Variants in TMEM65 observed in about 807,000 individuals in gnomAD.
TMEM65 encodes the protein transmembrane protein 65.
TMEM65 carries 22 observed loss-of-function variants against 25.4 expected under a neutral mutation model. The ratio of observed to expected loss-of-function variants is 0.86; its 90% CI spans 0.62 to 1.23. The LOEUF (loss-of-function observed/expected upper bound fraction) is 1.23, where lower values mean the gene tolerates loss of function less well. Ranked by LOEUF, TMEM65 falls within the 50% of genes most tolerant of loss-of-function variation. TMEM65 has a pLI of 0.00. For missense variants in TMEM65, 262 were observed against 308.2 expected (o/e 0.85, Z 1.12); for synonymous variants, 132 against 126.2 (o/e 1.05, Z -0.31).
chr8:124,341,481 T>C (rs1426420967), intron 1 of TMEM65, among the ~76,000 whole-genome samples: 1 of 152,074 alleles, frequency 6.6e-6, no homozygotes, highest in Non-Finnish European at 1.5e-5. Context: ...GGACTACTGG[T>C]CTACTTTTAA....
At chr8:124,354,954 CTG>C (rs1455810562) in intron 1 of TMEM65, among the ~76,000 whole-genome samples, 2 of 152,078 alleles carry the variant, frequency 1.3e-5, no homozygotes, top group East Asian at 3.9e-4. Flanking sequence ...AAATTTAAGA[CTG>C]TTTCAAAATG....
At chr8:124,356,470 G>T (rs546134013) in intron 1 of TMEM65, among the ~76,000 whole-genome samples, 1 of 152,210 alleles carries the variant, frequency 6.6e-6, no homozygotes, top group Admixed American at 6.5e-5. Flanking sequence ...ATAAAATCAA[G>T]CTATTGCCCA....
intron 1 of TMEM65, among the ~76,000 whole-genome samples, chr8:124,334,664 T>C (rs1319747914): frequency 6.8e-6 from 1 of 146,816 alleles, no homozygotes; most frequent in Non-Finnish European, 1.5e-5. Flanking sequence ...CTCAGGAGGC[T>C]GCGGCAGGAG....
chr8:124,364,025 G>C (rs1439546840), intron 1 of TMEM65, among the ~76,000 whole-genome samples: 1 of 151,818 alleles, frequency 6.6e-6, no homozygotes, highest in East Asian at 1.9e-4. Flanking sequence ...CCTATTATGA[G>C]GGATATTATC....
rs144957064 is a variant in TMEM65, at chr8:124,318,363, G to GTTTTTTTTTTTTTTTTTTTTTTT, written c.621+1722_621+1723insAAAAAAAAAAAAAAAAAAAAAAA. On this transcript the variant is annotated intron_variant, in intron 6 of 6. Coordinates refer to ENST00000297632, the MANE Select transcript of TMEM65 (RefSeq NM_194291.3). Reference sequence around the variant, plus strand: ...TTGTTTTAAGCTGCTGAATTTGCATGTTTTTGTTTTTTTTTTTTTTTTTTT... The same window carrying GTTTTTTTTTTTTTTTTTTTTTTT: ...TTGTTTTAAGCTGCTGAATTTGCATGTTTTTTTTTTTTTTTTTTTTTTTTTTTTGTTTTTTTTTTTTTTTTTTT... 4.1e-5 allele frequency among the ~76,000 whole-genome samples: 3 copies of GTTTTTTTTTTTTTTTTTTTTTTT among 73,840 alleles called. 1 individual carries two copies. Among genetic ancestry groups the GTTTTTTTTTTTTTTTTTTTTTTT allele is most frequent in the African/African-American group, 1.7e-4 (3 of 17,868 alleles). 48.4% of individuals were successfully genotyped at this position (73,840 alleles called of 152,430 possible).
intron 5 of TMEM65, among the ~76,000 whole-genome samples, chr8:124,321,077 T>C (rs1814298644): frequency 6.6e-6 from 1 of 152,170 alleles, no homozygotes; most frequent in Non-Finnish European, 1.5e-5. Flanking sequence ...TGTTGGAAAC[T>C]GGGAATAGAA....
At chr8:124,345,918 A>G (rs963117326) in intron 1 of TMEM65, among the ~76,000 whole-genome samples, 2 of 151,878 alleles carry the variant, frequency 1.3e-5, no homozygotes, top group African/African-American at 4.8e-5. Context: ...TAATTTTTGT[A>G]TATTTTTTAG....
chr8:124,371,453 A>C (rs961082836), intron 1 of TMEM65, among the ~76,000 whole-genome samples: 3 of 152,232 alleles, frequency 2.0e-5, no homozygotes. Flanking sequence ...CAGGCACAGC[A>C]TGCCACCTGC....
At chr8:124,359,912 A>G (rs559827219) in intron 1 of TMEM65, among the ~76,000 whole-genome samples, 27 of 152,326 alleles carry the variant, frequency 1.8e-4, no homozygotes, top group Admixed American at 3.9e-4. Flanking sequence ...CAGGTAAAGT[A>G]GCCTTGCTTC....
At chr8:124,321,431 C>T (rs1029068596) in intron 5 of TMEM65, among the ~76,000 whole-genome samples, 11 of 152,052 alleles carry the variant, frequency 7.2e-5, no homozygotes, top group African/African-American at 2.7e-4. Context: ...CTTCCCCAAG[C>T]TCAGGAAGCA....
Position 124,309,266 on chromosome 8 carries a change from T to C in TMEM65, c.*4694A>G, listed in dbSNP as rs1288745369. 6.6e-6 allele frequency: 1 copy of C among 152,194 alleles called. No individual in the cohort carries two copies. The highest frequency in any genetic ancestry group is 2.4e-5 in the African/African-American group (1 of 41,446). The allele number at this position is 152,194 out of a possible 1,614,324, so 9.4% of individuals were successfully genotyped here. A position where few individuals can be genotyped will look rare whatever the true frequency, so the allele number is the denominator to read the frequency against. Reference sequence around the variant, plus strand: ...AAAGTTTGGAGAGAGTAAAAAGTTGTATTCAGATTTTCAGCAGCACAGGGG... The same window carrying C: ...AAAGTTTGGAGAGAGTAAAAAGTTGCATTCAGATTTTCAGCAGCACAGGGG... On this transcript the variant is annotated 3_prime_UTR_variant, in exon 7 of 7. Coordinates refer to ENST00000297632, the MANE Select transcript of TMEM65 (RefSeq NM_194291.3).
chr8:124,360,826 A>T (rs1488885344), intron 1 of TMEM65, among the ~76,000 whole-genome samples: 1 of 152,234 alleles, frequency 6.6e-6, no homozygotes, highest in Non-Finnish European at 1.5e-5. Flanking sequence ...AAATTATTTA[A>T]AAGCCAGCAA....
chr8:124,329,108 A>C (rs1586460243), intron 2 of TMEM65, among the ~76,000 whole-genome samples: 1 of 123,682 alleles, frequency 8.1e-6, no homozygotes, highest in African/African-American at 3.2e-5. Flanking sequence ...TCCAAGATCA[A>C]GGACAACATT....
Position 124,372,126 on chromosome 8 carries a change from C to G in TMEM65, c.32G>C (p.Arg11Pro). Residue 11 changes from arginine to proline, a missense_variant, in exon 1 of 7, where the codon CGG (arginine) becomes CCG (proline). Transcript: ENST00000297632. ...GCCCGGCCTCAGGCTGCGCGCGGTC[C>G]GGCTCCTCAGCAGCGGCAGCAGCCG... MSRLLPLLRS[R>P]TARSLRPGPA... 2 of 1,218,096 alleles carry G rather than the reference C, an allele frequency of 1.6e-6. No individual in the cohort carries two copies. The highest frequency in any genetic ancestry group is 2.0e-5 in the South Asian group (1 of 49,692). 75.5% of individuals were successfully genotyped at this position (1,218,096 alleles called of 1,614,324 possible). A position where few individuals can be genotyped will look rare whatever the true frequency, so the allele number is the denominator to read the frequency against.
intron 1 of TMEM65, among the ~76,000 whole-genome samples, chr8:124,331,716 T>C (rs1285750927): frequency 6.6e-6 from 1 of 151,890 alleles, no homozygotes; most frequent in Non-Finnish European, 1.5e-5. Context: ...TTAATTGTTA[T>C]CATATAGAGA....
At chr8:124,347,370 A>G (rs1041859102) in intron 1 of TMEM65, among the ~76,000 whole-genome samples, 1 of 152,208 alleles carries the variant, frequency 6.6e-6, no homozygotes, top group African/African-American at 2.4e-5. Flanking sequence ...TACCTTATGT[A>G]GGAAAGAAAT....
chr8:124,356,476 G>A (rs942245597), intron 1 of TMEM65, among the ~76,000 whole-genome samples: 5 of 152,034 alleles, frequency 3.3e-5, no homozygotes, highest in African/African-American at 1.2e-4. Flanking sequence ...TCAAGCTATT[G>A]CCCAACATCT....
Position 124,326,332 on chromosome 8 carries a change from T to C in TMEM65, c.417+1022A>G, listed in dbSNP as rs1033080161. ...ACATAAGGTATTCTAAAAATATGTA[T>C]TGAAAGTTGATAATTGCCATAATAA... On this transcript the variant is annotated intron_variant, in intron 3 of 6. Transcript: ENST00000297632. Among the ~76,000 whole-genome samples, 4 of 152,204 alleles carry C rather than the reference T, an allele frequency of 2.6e-5. No homozygotes were observed. The South Asian group carries it at 8.3e-4, about 32-fold the overall frequency.
chr8:124,353,116 G>A (rs1814734381), intron 1 of TMEM65, among the ~76,000 whole-genome samples: 2 of 151,726 alleles, frequency 1.3e-5, no homozygotes, highest in Non-Finnish European at 1.5e-5. Context: ...GACAGAGGGA[G>A]ACTCTGTCTC....
Sources: allele counts gnomAD v4.1 joint callset (sites outside exome capture counted in the v4.1 genomes callset), GRCh38; gene constraint gnomAD v4.1.1; transcripts MANE v1.5; gene names NCBI Gene and HGNC (gene_info 2026-07-23, HGNC 2026-07-21).